Variants in EYA2 observed in about 807,000 individuals in gnomAD.
EYA2 encodes protein phosphatase EYA2.
A neutral mutation model predicts 69.2 loss-of-function variants in EYA2; 31 were observed. The ratio of observed to expected loss-of-function variants is 0.45; its 90% CI spans 0.34 to 0.60. The LOEUF (loss-of-function observed/expected upper bound fraction) is 0.60. Ranked by LOEUF, EYA2 falls within the 20% of genes least tolerant of loss-of-function variation. The pLI is 0.02. For missense variants in EYA2, 622 were observed against 701.2 expected (o/e 0.89, Z 1.28); for synonymous variants, 257 against 279.4 (o/e 0.92, Z 0.80).
At chr20:47,004,603 T>C (rs1600630940) in intron 3 of EYA2, among the ~76,000 whole-genome samples, 1 of 152,146 alleles carries the variant, frequency 6.6e-6, no homozygotes, top group East Asian at 1.9e-4. Context: ...CATCTCAACC[T>C]GTGCCCTCCA....
intron 1 of EYA2, among the ~76,000 whole-genome samples, chr20:46,912,223 T>G (rs1292232447): frequency 3.9e-5 from 6 of 152,212 alleles, no homozygotes; most frequent in Admixed American, 3.9e-4. Flanking sequence ...TTCAAAATGT[T>G]GCCTACTACA....
intron 8 of EYA2, 84 bp downstream of exon 8, chr20:47,089,465 A>G: frequency 6.9e-7 from 1 of 1,456,374 alleles, no homozygotes. Context: ...GTTTTCTCCA[A>G]GTACGAGGCG....
intron 1 of EYA2, among the ~76,000 whole-genome samples, chr20:46,986,403 G>GATCTATATATCTATATATATAATATATAA (rs1555809572): frequency 3.4e-4 from 46 of 134,844 alleles, no homozygotes; most frequent in African/African-American, 9.9e-4. Context: ...ATAATATATA[G>GATCTATATATCTATATATATAATATATAA]ATCTATATAA....
chr20:47,144,541 T>C (rs530661323), intron 10 of EYA2, among the ~76,000 whole-genome samples: 1 of 152,332 alleles, frequency 6.6e-6, no homozygotes, highest in Admixed American at 6.5e-5. Flanking sequence ...GCACTACTAA[T>C]ATTTATCATT....
At chr20:46,976,389 G>GGTTTTGTTTGTGTGTTTATTT (rs3092080) in intron 1 of EYA2, among the ~76,000 whole-genome samples, 105,727 of 151,242 alleles carry the variant, frequency 0.7, 37,830 homozygotes, top group African/African-American at 0.75. Context: ...AGAGTTTTTG[G>GGTTTTGTTTGTGTGTTTATTT]GTTTTGTTTT....
chr20:47,160,186 G>T (rs552363191), intron 10 of EYA2, among the ~76,000 whole-genome samples: 2 of 152,298 alleles, frequency 1.3e-5, no homozygotes, highest in African/African-American at 4.8e-5. Flanking sequence ...GCTAGATAAG[G>T]ATAGGAGCAG....
intron 1 of EYA2, among the ~76,000 whole-genome samples, chr20:46,956,077 T>G (rs1415620833): frequency 6.6e-6 from 1 of 152,220 alleles, no homozygotes; most frequent in African/African-American, 2.4e-5. Context: ...GTCTTCCACA[T>G]TTTTCTTCAT....
intron 8 of EYA2, among the ~76,000 whole-genome samples, chr20:47,093,681 A>G (rs1262754266): frequency 6.6e-6 from 1 of 152,248 alleles, no homozygotes; most frequent in Non-Finnish European, 1.5e-5. Context: ...GCGCCTGCAC[A>G]AGAGCCACAT....
chr20:47,080,765 G>A (rs1213413631), intron 7 of EYA2, among the ~76,000 whole-genome samples: 1 of 152,098 alleles, frequency 6.6e-6, no homozygotes, highest in Non-Finnish European at 1.5e-5. Flanking sequence ...CATCTTACGT[G>A]GATGGCAGCA....
chr20:47,132,488 C>T (rs116874168), intron 9 of EYA2, among the ~76,000 whole-genome samples: 182 of 152,298 alleles, frequency 1.2e-3, no homozygotes, highest in Non-Finnish European at 1.9e-3. Flanking sequence ...TTGCAAGACA[C>T]ACCACACACA....
intron 1 of EYA2, among the ~76,000 whole-genome samples, chr20:46,988,099 A>C (rs962247166): frequency 6.7e-6 from 1 of 149,102 alleles, no homozygotes; most frequent in Non-Finnish European, 1.5e-5. Flanking sequence ...ATTATAAGTA[A>C]TCTAGAGATG....
chr20:47,054,384 C>T (rs2146440990), intron 5 of EYA2, among the ~76,000 whole-genome samples: 1 of 152,304 alleles, frequency 6.6e-6, no homozygotes, highest in Admixed American at 6.5e-5. Context: ...CATATACTGT[C>T]AGCGTAGGGC....
At chr20:47,085,594 C>T (rs1242996611) in intron 7 of EYA2, among the ~76,000 whole-genome samples, 4 of 151,136 alleles carry the variant, frequency 2.6e-5, no homozygotes, top group African/African-American at 9.7e-5. Context: ...TGCAGTGAGC[C>T]AAGATCTCAC....
intron 14 of EYA2, among the ~76,000 whole-genome samples, chr20:47,182,094 C>T (rs934946553): frequency 7.9e-5 from 12 of 152,106 alleles, no homozygotes; most frequent in Non-Finnish European, 1.8e-4. Context: ...CGGCTCACTA[C>T]AACCTCCGCC....
chr20:47,065,529 C>T (rs915520913), intron 5 of EYA2, among the ~76,000 whole-genome samples: 16 of 151,568 alleles, frequency 1.1e-4, no homozygotes, highest in East Asian at 5.8e-4. Flanking sequence ...AGAACCCTGG[C>T]GAAGGGTGGC....
chr20:47,038,499 A>G (rs990897006), intron 5 of EYA2, among the ~76,000 whole-genome samples: 3 of 152,192 alleles, frequency 2.0e-5, no homozygotes, highest in Non-Finnish European at 4.4e-5. Context: ...TCAAATAAAT[A>G]AAAATATAAA....
intron 9 of EYA2, among the ~76,000 whole-genome samples, chr20:47,138,134 TATA>T (rs1447276134): frequency 6.6e-6 from 1 of 151,272 alleles, no homozygotes; most frequent in East Asian, 2.0e-4. Flanking sequence ...AAACTTAAAG[TATA>T]ATAATAATAA....
At chr20:46,932,131 GC>G (rs1985696698) in intron 1 of EYA2, among the ~76,000 whole-genome samples, 1 of 151,338 alleles carries the variant, frequency 6.6e-6, no homozygotes, top group African/African-American at 2.4e-5. Context: ...CACCTACCTC[GC>G]CCCCCGCCTA....
At chr20:46,936,449 T>G (rs907046883) in intron 1 of EYA2, among the ~76,000 whole-genome samples, 1 of 152,180 alleles carries the variant, frequency 6.6e-6, no homozygotes, top group African/African-American at 2.4e-5. Context: ...CCAGCTTGGG[T>G]GACAGAGCAA....
Sources: allele counts gnomAD v4.1 joint callset (sites outside exome capture counted in the v4.1 genomes callset), GRCh38; gene constraint gnomAD v4.1.1; transcripts MANE v1.5; gene names NCBI Gene and HGNC (gene_info 2026-07-23, HGNC 2026-07-21).